Variants in MACROD1 observed in about 807,000 individuals in gnomAD.
MACROD1 encodes mono-ADP ribosylhydrolase 1, also known as ADP-ribose glycohydrolase MACROD1.
In MACROD1, 31 loss-of-function variants were observed where a neutral mutation model predicts 41.4. The observed-to-expected ratio is 0.75, with a 90% CI of 0.56 to 1.01. MACROD1 has a LOEUF of 1.01. MACROD1 is among the 50% of genes least tolerant of loss of function. The pLI is 0.00. For missense variants in MACROD1, 473 were observed against 460.0 expected, an observed-to-expected ratio of 1.03 and a Z score of -0.26; for synonymous variants, 252 against 203.4, an observed-to-expected ratio of 1.24 and a Z score of -2.03.
At position 64,119,845 on chromosome 11, in the gene MACROD1, T is replaced by C. The variant is rs533946650; in HGVS notation, c.517+31394A>G. Among the ~76,000 whole-genome samples the C allele has an allele frequency of 4.6e-5, 7 of 152,216 alleles. No individual in the cohort carries two copies. In the East Asian group the frequency reaches 9.6e-4, roughly 21 times the overall value. On this transcript the variant is annotated intron_variant, in intron 3 of 10. Coordinates refer to ENST00000255681, the MANE Select transcript of MACROD1 (RefSeq NM_014067.4). ...GTGGTGAGCCATGAGATTAAAACGA[T>C]GATGAAATAATGACAGCGAATTGGA...
intron 3 of MACROD1, among the ~76,000 whole-genome samples, chr11:64,079,687 T>C (rs1944271107): frequency 6.6e-6 from 1 of 151,530 alleles, no homozygotes; most frequent in Non-Finnish European, 1.5e-5. Context: ...GGAGGTGTGG[T>C]TGGGGAAAGG....
chr11:64,049,600 A>G (rs1043419599), intron 3 of MACROD1, among the ~76,000 whole-genome samples: 2 of 151,700 alleles, frequency 1.3e-5, no homozygotes, highest in Non-Finnish European at 2.9e-5. Flanking sequence ...GGACCTGCTG[A>G]CTCCCGCACA....
intron 3 of MACROD1, among the ~76,000 whole-genome samples, chr11:64,100,252 A>C (rs1449798233): frequency 2.0e-5 from 3 of 152,178 alleles, no homozygotes; most frequent in African/African-American, 4.8e-5. Flanking sequence ...GCCAAAACGC[A>C]GAGGGTGGTG....
chr11:64,123,245 A>ACGGTGG (rs1389789497), intron 3 of MACROD1, among the ~76,000 whole-genome samples: 1 of 152,122 alleles, frequency 6.6e-6, no homozygotes, highest in Non-Finnish European at 1.5e-5. Context: ...GGCACAGGTG[A>ACGGTGG]CGGTGGCTGC....
At position 64,036,723 on chromosome 11, in the gene MACROD1, C is replaced by G. The variant is rs534873744; in HGVS notation, c.518-21442G>C. ...TTCCCTCCCTGTGCGCGCTGTGGAC[C>G]GTCAGCCCTGAGCCGGGCGGGGGCT... is the stretch of plus-strand genomic sequence containing the variant. On this transcript the variant is annotated intron_variant, in intron 3 of 10. Transcript: ENST00000255681. This position sits in a 1 kb window ranked among gnomAD's most constrained non-coding sequence, Gnocchi z 5.6. 6.6e-6 allele frequency among the ~76,000 whole-genome samples: 1 copy of G among 151,730 alleles called. No individual in the cohort carries two copies. Among genetic ancestry groups the G allele is most frequent in the South Asian group, 2.1e-4 (1 of 4,786 alleles).
At chr11:64,097,419 C>T (rs752012280) in intron 3 of MACROD1, among the ~76,000 whole-genome samples, 4 of 152,226 alleles carry the variant, frequency 2.6e-5, no homozygotes, top group Admixed American at 6.5e-5. Context: ...AGAGAAGCTC[C>T]GTCCTGGGCG....
At chr11:64,071,595 C>G (rs1433355144) in intron 3 of MACROD1, among the ~76,000 whole-genome samples, 1 of 152,150 alleles carries the variant, frequency 6.6e-6, no homozygotes, top group Non-Finnish European at 1.5e-5. Flanking sequence ...CCCAAATGAC[C>G]GCTCTTCCCA....
At chr11:64,101,752 TA>T (rs1944675393) in intron 3 of MACROD1, among the ~76,000 whole-genome samples, 1 of 152,228 alleles carries the variant, frequency 6.6e-6, no homozygotes, top group Non-Finnish European at 1.5e-5. Flanking sequence ...AGCCCCACCG[TA>T]CCCCTTCCAG....
intron 3 of MACROD1, chr11:64,116,707 T>C: frequency 6.2e-7 from 1 of 1,613,818 alleles, no homozygotes; most frequent in Non-Finnish European, 8.5e-7. Context: ...AGGGACTCGC[T>C]GGCCCGCATC....
chr11:64,009,835 G>A (rs759967420), intron 4 of MACROD1, among the ~76,000 whole-genome samples: 34 of 152,228 alleles, frequency 2.2e-4, no homozygotes, highest in African/African-American at 8.0e-4. Flanking sequence ...CACATTTGCC[G>A]TAAAAACAGT....
intron 4 of MACROD1, among the ~76,000 whole-genome samples, chr11:64,006,282 C>G (rs988317010): frequency 5.3e-5 from 8 of 152,242 alleles, no homozygotes; most frequent in Non-Finnish European, 8.8e-5. Context: ...TGAGCGATAT[C>G]CCATTGCCGG....
intron 3 of MACROD1, among the ~76,000 whole-genome samples, chr11:64,097,605 G>A (rs955803200): frequency 6.6e-6 from 1 of 152,254 alleles, no homozygotes; most frequent in Non-Finnish European, 1.5e-5. Flanking sequence ...TGAAAGTCTG[G>A]GTTTTGTCAG....
chr11:63,999,992 C>A lies in MACROD1; in HGVS notation c.665-229G>T, dbSNP rs995243148. 1.1e-5 allele frequency: 7 copies of A among 649,704 alleles called. No homozygotes were observed. The East Asian group carries it at 1.7e-4, about 15-fold the overall frequency. The allele number at this position is 649,704 out of a possible 1,614,324, so 40.2% of individuals were successfully genotyped here. A position where few individuals can be genotyped will look rare whatever the true frequency, so the allele number is the denominator to read the frequency against. ...TGTATGGGCCCGGCTGAGACCCGAG[C>A]GCGAGTGTGGGCGCGAAGGCGTTGC... is the stretch of plus-strand genomic sequence containing the variant. On this transcript the variant is annotated intron_variant, in intron 5 of 10. Coordinates refer to ENST00000255681, the MANE Select transcript of MACROD1 (RefSeq NM_014067.4).
chr11:64,146,362 G>A lies in MACROD1; in HGVS notation c.517+4877C>T, dbSNP rs1361233808. ...GCTCTGAGAACCTCCTCCTCCAGAA[G>A]AGGGGGCCTGCGGGGGCTCCCTGGC... On this transcript the variant is annotated intron_variant, in intron 3 of 10. Coordinates refer to ENST00000255681, the MANE Select transcript of MACROD1 (RefSeq NM_014067.4). This position sits in a 1 kb window ranked among gnomAD's most constrained non-coding sequence, Gnocchi z 4.7. 6.6e-6 allele frequency among the ~76,000 whole-genome samples: 1 copy of A among 152,194 alleles called. No individual in the cohort carries two copies. Among genetic ancestry groups the A allele is most frequent in the African/African-American group, 2.4e-5 (1 of 41,452 alleles).
chr11:64,019,934 C>A (rs1399330437), intron 3 of MACROD1, among the ~76,000 whole-genome samples: 1 of 152,148 alleles, frequency 6.6e-6, no homozygotes, highest in Non-Finnish European at 1.5e-5. Context: ...ACCCTACCAG[C>A]CAACACCTCA....
At chr11:64,077,524 G>A (rs1431495734) in intron 3 of MACROD1, among the ~76,000 whole-genome samples, 3 of 152,136 alleles carry the variant, frequency 2.0e-5, no homozygotes, top group Admixed American at 1.3e-4. Flanking sequence ...GCTGCAGGCC[G>A]CATGTGGGAA....
chr11:64,102,602 C>A (rs1420453153), intron 3 of MACROD1, among the ~76,000 whole-genome samples: 2 of 152,148 alleles, frequency 1.3e-5, no homozygotes, highest in African/African-American at 4.8e-5. Flanking sequence ...GCCAGGAGCT[C>A]GAAAAACTTC....
chr11:64,084,690 G>C (rs950421390), intron 3 of MACROD1, among the ~76,000 whole-genome samples: 1 of 152,240 alleles, frequency 6.6e-6, no homozygotes, highest in Non-Finnish European at 1.5e-5. Flanking sequence ...CAGTCAGGAG[G>C]GAGCAGGGCT....
intron 3 of MACROD1, among the ~76,000 whole-genome samples, chr11:64,113,207 T>C (rs1250371782): frequency 6.6e-6 from 1 of 152,248 alleles, no homozygotes; most frequent in African/African-American, 2.4e-5. Context: ...CTCATGTTTG[T>C]TGGGAGGGTT....
Sources: gnomAD v4.1 joint callset for allele counts (sites outside exome capture counted in the v4.1 genomes callset) on GRCh38, gnomAD v4.1.1 for gene constraint, Gnocchi (gnomAD v3.1) non-coding constraint, MANE v1.5 for transcripts, NCBI Gene and HGNC (gene_info 2026-07-23, HGNC 2026-07-21) for gene names.